The following SPAG16 variants were observed in gnomAD, a reference collection of about 807,000 sequenced individuals.
SPAG16 encodes sperm associated antigen 16.
A neutral mutation model predicts 80.4 loss-of-function variants in SPAG16; 86 were observed. The ratio of observed to expected loss-of-function variants is 1.07; its 90% CI spans 0.90 to 1.28. SPAG16 has a LOEUF of 1.28. SPAG16 is among the 50% of genes most tolerant of loss of function. The pLI is 0.00. For missense variants in SPAG16, 870 were observed against 765.3 expected (o/e 1.14, Z -1.61); for synonymous variants, 294 against 265.9 (o/e 1.11, Z -1.03).
chr2:213,299,880 T>A (rs563405195), intron 3 of SPAG16, among the ~76,000 whole-genome samples: 1 of 152,244 alleles, frequency 6.6e-6, no homozygotes, highest in East Asian at 1.9e-4. Flanking sequence ...GGATTATATA[T>A]ATGTTCGTTA....
At chr2:213,295,358 C>G (rs1408537758) in intron 1 of SPAG16, among the ~76,000 whole-genome samples, 3 of 151,932 alleles carry the variant, frequency 2.0e-5, no homozygotes, top group African/African-American at 7.2e-5. Context: ...AGTCTTAAAG[C>G]AGTTCTCTTA....
At chr2:213,664,566 A>C (rs777661357) in intron 10 of SPAG16, among the ~76,000 whole-genome samples, 32 of 152,088 alleles carry the variant, frequency 2.1e-4, no homozygotes, top group Non-Finnish European at 3.8e-4. Flanking sequence ...CCTTTCTTTG[A>C]AAGTGTCATG....
chr2:214,017,841 A>T (rs1247262968), intron 13 of SPAG16, among the ~76,000 whole-genome samples: 1 of 152,178 alleles, frequency 6.6e-6, no homozygotes, highest in Admixed American at 6.5e-5. Context: ...AATGTATATC[A>T]CTACAATTAT....
Position 214,257,745 on chromosome 2 carries a change from T to C in SPAG16, c.1720+108479T>C, listed in dbSNP as rs1305370409. Among the ~76,000 whole-genome samples the C allele has an allele frequency of 2.0e-5, 3 of 152,154 alleles. No homozygotes were observed. The East Asian group carries it at 5.8e-4, about 29-fold the overall frequency. ...TATTACTGGATTAATTTAACAATAA[T>C]ATTTTCAAGGGATATAAAGGACATT... On this transcript the variant is annotated intron_variant, in intron 15 of 15. Coordinates refer to ENST00000331683, the MANE Select transcript of SPAG16 (RefSeq NM_024532.5).
intron 15 of SPAG16, among the ~76,000 whole-genome samples, chr2:214,392,389 C>T (rs1434722902): frequency 6.6e-6 from 1 of 151,970 alleles, no homozygotes; most frequent in Non-Finnish European, 1.5e-5. Flanking sequence ...CTCCTGACCT[C>T]AAGTGATCCA....
chr2:213,656,831 G>T (rs1363590172), intron 10 of SPAG16, among the ~76,000 whole-genome samples: 1 of 152,150 alleles, frequency 6.6e-6, no homozygotes, highest in Non-Finnish European at 1.5e-5. Context: ...CTTTAAATAT[G>T]TATATTAGAA....
intron 10 of SPAG16, among the ~76,000 whole-genome samples, chr2:213,834,767 G>A (rs1374806167): frequency 6.6e-6 from 1 of 152,082 alleles, no homozygotes; most frequent in African/African-American, 2.4e-5. Context: ...CATTTTCTGA[G>A]TCCTGACATT....
intron 9 of SPAG16, among the ~76,000 whole-genome samples, chr2:213,402,788 G>A (rs1221285874): frequency 6.6e-6 from 1 of 152,118 alleles, no homozygotes; most frequent in African/African-American, 2.4e-5. Context: ...AGTATTCCAT[G>A]GTGTATATGT....
At chr2:213,875,535 G>A (rs1056938473) in intron 11 of SPAG16, among the ~76,000 whole-genome samples, 11 of 152,130 alleles carry the variant, frequency 7.2e-5, no homozygotes, top group Admixed American at 2.6e-4. Context: ...AGGAGTGGTT[G>A]CAGTGAATTA....
chr2:214,354,149 A>G (rs1315401314), intron 15 of SPAG16, among the ~76,000 whole-genome samples: 1 of 152,112 alleles, frequency 6.6e-6, no homozygotes. Context: ...AAATAAAAAA[A>G]TCAAAAAAAT....
At chr2:213,860,476 T>TAG (rs199605654) in intron 10 of SPAG16, among the ~76,000 whole-genome samples, 1,800 of 136,284 alleles carry the variant, frequency 0.013, 26 homozygotes, top group African/African-American at 0.017. Flanking sequence ...TATCTATCTA[T>TAG]ATATATATAT....
chr2:214,400,108 A>G (rs1244325403), intron 15 of SPAG16, among the ~76,000 whole-genome samples: 1 of 152,074 alleles, frequency 6.6e-6, no homozygotes, highest in Non-Finnish European at 1.5e-5. Flanking sequence ...CCCATGTAGG[A>G]AAGCACCTGG....
chr2:213,990,424 A>G (rs578110679), intron 12 of SPAG16, among the ~76,000 whole-genome samples: 12 of 152,198 alleles, frequency 7.9e-5, no homozygotes, highest in African/African-American at 2.9e-4. Flanking sequence ...GACATTCCCA[A>G]ACCTTAGCTA....
At chr2:213,626,489 T>C (rs1035344864) in intron 10 of SPAG16, among the ~76,000 whole-genome samples, 1 of 151,984 alleles carries the variant, frequency 6.6e-6, no homozygotes, top group Non-Finnish European at 1.5e-5. Flanking sequence ...TAATGAAAAA[T>C]ATATATAACA....
At chr2:213,374,951 C>A (rs2066811504) in intron 8 of SPAG16, 59 bp from the exon 9 acceptor site, 5 of 1,257,454 alleles carry the variant, frequency 4.0e-6, no homozygotes, top group Non-Finnish European at 5.5e-6. Context: ...TTTTTGGTTG[C>A]AATCATTTTA....
intron 5 of SPAG16, among the ~76,000 whole-genome samples, chr2:213,330,769 C>G (rs2064063315): frequency 6.6e-6 from 1 of 152,124 alleles, no homozygotes; most frequent in African/African-American, 2.4e-5. Context: ...CAAATCTCAT[C>G]TTGAATTCCC....
intron 15 of SPAG16, among the ~76,000 whole-genome samples, chr2:214,236,034 T>A (rs1264871236): frequency 6.6e-6 from 1 of 152,186 alleles, no homozygotes; most frequent in Non-Finnish European, 1.5e-5. Context: ...TTACCTCCTA[T>A]GAAAGAAACA....
At chr2:213,350,495 C>T in intron 6 of SPAG16, 33 bp from the exon 7 acceptor site, 2 of 1,137,120 alleles carry the variant, frequency 1.8e-6, no homozygotes, top group Non-Finnish European at 2.5e-6. Context: ...ACTCAATAAC[C>T]CCTTAAGATG....
At chr2:214,212,038 T>G (rs1293125230) in intron 15 of SPAG16, among the ~76,000 whole-genome samples, 1 of 152,154 alleles carries the variant, frequency 6.6e-6, no homozygotes, top group Admixed American at 6.5e-5. Context: ...GAGAGCAAAA[T>G]ATACTTGTAA....
Sources: gnomAD v4.1 joint callset for allele counts (sites outside exome capture counted in the v4.1 genomes callset) on GRCh38, gnomAD v4.1.1 for gene constraint, MANE v1.5 for transcripts, NCBI Gene and HGNC (gene_info 2026-07-23, HGNC 2026-07-21) for gene names.